Variants in CFTR observed in about 807,000 individuals in gnomAD.
CFTR encodes the protein CF transmembrane conductance regulator.
CFTR carries 181 observed loss-of-function variants against 171.6 expected under a neutral mutation model. The observed-to-expected ratio is 1.05, with a 90% confidence interval of 0.93 to 1.19. The LOEUF (loss-of-function observed/expected upper bound fraction) is 1.19, where lower values mean the gene tolerates loss of function less well. Among genes scored for constraint, CFTR ranks in the 50% most tolerant of loss-of-function variants. CFTR has a pLI of 0.00. For synonymous variants in CFTR, 583 were observed against 608.0 expected, an observed-to-expected ratio of 0.96 and a Z score of 0.60; for missense variants, 1,968 against 1,734.7, an observed-to-expected ratio of 1.13 and a Z score of -2.39.
At chr7:117,488,580 G>A (rs1798109318) in intron 1 of CFTR, among the ~76,000 whole-genome samples, 3 of 151,766 alleles carry the variant, frequency 2.0e-5, no homozygotes. Flanking sequence ...TATCTATCTT[G>A]TGTCTTGCAT....
At chr7:117,646,060 T>A (rs971142228) in intron 23 of CFTR, among the ~76,000 whole-genome samples, 11 of 152,176 alleles carry the variant, frequency 7.2e-5, no homozygotes, top group African/African-American at 2.7e-4. Context: ...GTTCCATCAG[T>A]ATCTGGATTT....
intron 3 of CFTR, among the ~76,000 whole-genome samples, chr7:117,515,643 T>C (rs1798585435): frequency 6.6e-6 from 1 of 152,192 alleles, no homozygotes; most frequent in Non-Finnish European, 1.5e-5. Context: ...GGAGTCTTCT[T>C]TGATTCCATA....
intron 11 of CFTR, among the ~76,000 whole-genome samples, chr7:117,568,251 T>A (rs1476318508): frequency 6.6e-6 from 1 of 152,136 alleles, no homozygotes; most frequent in African/African-American, 2.4e-5. Flanking sequence ...TATGCTCCAG[T>A]AAGAAGACTG....
chr7:117,665,988 A>G (rs951606987), intron 26 of CFTR, among the ~76,000 whole-genome samples: 7 of 152,142 alleles, frequency 4.6e-5, no homozygotes, highest in Admixed American at 2.6e-4. Context: ...CAAAGTTGAG[A>G]GGCACATTTC....
At chr7:117,556,512 C>CTTTTTTTTTTTTTTTTTTTTTTTTTTT (rs55700428) in intron 10 of CFTR, among the ~76,000 whole-genome samples, 2 of 45,904 alleles carry the variant, frequency 4.4e-5, no homozygotes, top group African/African-American at 9.8e-5. Flanking sequence ...TGTTTCATTT[C>CTTTTTTTTTTTTTTTTTTTTTTTTTTT]TTTTTTTTTT....
intron 1 of CFTR, among the ~76,000 whole-genome samples, chr7:117,495,587 G>GTTAAGTTCCTTGCT (rs1449408275): frequency 2.6e-5 from 4 of 152,168 alleles, no homozygotes; most frequent in Non-Finnish European, 5.9e-5. Context: ...TGTCCCAGAA[G>GTTAAGTTCCTTGCT]TTAAGTTCCT....
intron 18 of CFTR, among the ~76,000 whole-genome samples, chr7:117,609,567 G>T (rs956566335): frequency 1.3e-5 from 2 of 151,976 alleles, no homozygotes; most frequent in African/African-American, 4.8e-5. Context: ...TAGAAATATA[G>T]AAATTTATTA....
intron 22 of CFTR, among the ~76,000 whole-genome samples, chr7:117,635,578 T>A (rs1449625240): frequency 1.3e-5 from 2 of 152,112 alleles, no homozygotes; most frequent in African/African-American, 2.4e-5. Context: ...GCATTTTATA[T>A]GTTTCCATTT....
intron 1 of CFTR, among the ~76,000 whole-genome samples, chr7:117,499,516 G>A (rs565259233): frequency 5.5e-5 from 8 of 144,554 alleles, no homozygotes; most frequent in African/African-American, 1.6e-4. Flanking sequence ...ATCTCTTATA[G>A]TTAAGTGAAC....
intron 26 of CFTR, among the ~76,000 whole-genome samples, chr7:117,666,071 T>A (rs2116224258): frequency 6.6e-6 from 1 of 152,266 alleles, no homozygotes; most frequent in East Asian, 1.9e-4. Context: ...AAAAAAACTG[T>A]CACATGGCCA....
chr7:117,663,566 C>T (rs764869201), intron 24 of CFTR, among the ~76,000 whole-genome samples: 2 of 150,862 alleles, frequency 1.3e-5, no homozygotes, highest in Non-Finnish European at 2.9e-5. Context: ...TATTCTACCC[C>T]AATATCAAAG....
At chr7:117,640,554 T>C (rs572380651) in intron 22 of CFTR, among the ~76,000 whole-genome samples, 1 of 152,270 alleles carries the variant, frequency 6.6e-6, no homozygotes, top group South Asian at 2.1e-4. Context: ...ATTCTTGATA[T>C]GACCTTATAG....
At chr7:117,491,884 G>A (rs1011227806) in intron 1 of CFTR, among the ~76,000 whole-genome samples, 2 of 152,038 alleles carry the variant, frequency 1.3e-5, no homozygotes, top group South Asian at 2.1e-4. Context: ...AGCAGAATGC[G>A]ATATGGAAGT....
chr7:117,539,073 G>A (rs1183327441), intron 7 of CFTR, among the ~76,000 whole-genome samples: 1 of 152,092 alleles, frequency 6.6e-6, no homozygotes, highest in African/African-American at 2.4e-5. Context: ...CACAGCTGTT[G>A]CCCCCTTTCA....
Position 117,535,419 on chromosome 7 carries a change from C to T in CFTR, c.743+8C>T. 3 of 1,613,580 alleles carry T rather than the reference C, an allele frequency of 1.9e-6. No homozygotes were observed. The highest frequency in any genetic ancestry group is 2.5e-6 in the Non-Finnish European group (3 of 1,179,718). On this transcript the variant is annotated splice_region_variant and intron_variant, in intron 6 of 26. Coordinates refer to ENST00000003084, the MANE Select transcript of CFTR (RefSeq NM_000492.4). ...AATGATGATGAAGTACAGGTAGCAA[C>T]CTATTTTCATAACTTGAAAGTTTTA...
Position 117,614,707 on chromosome 7 carries a change from T to A in CFTR, c.3462T>A (p.Asp1154Glu), listed in dbSNP as rs1418778993. The change falls in exon 21 of 27, where the codon GAT becomes GAA. Residue 1154 changes from aspartate (D) to glutamate (E), a missense_variant. Transcript: ENST00000003084. ...CTGTAAACTCCAGCATAGATGTGGATAGCTTGGTAAGTCTTATCATCTTTT... is the reference window on the plus strand; with the variant it reads ...CTGTAAACTCCAGCATAGATGTGGAAAGCTTGGTAAGTCTTATCATCTTTT... Reference protein sequence around the residue: ...QWAVNSSIDVDSLMRSVSRVF... With the variant: ...QWAVNSSIDVESLMRSVSRVF... 3.7e-6 allele frequency: 6 copies of A among 1,607,292 alleles called. No homozygotes were observed. Among genetic ancestry groups the A allele is most frequent in the Non-Finnish European group, 4.3e-6 (5 of 1,174,280 alleles).
intron 22 of CFTR, among the ~76,000 whole-genome samples, chr7:117,629,676 G>A (rs1792708429): frequency 6.6e-6 from 1 of 152,126 alleles, no homozygotes; most frequent in South Asian, 2.1e-4. Flanking sequence ...TTTTGCTTTG[G>A]TGAACATGGG....
intron 4 of CFTR, among the ~76,000 whole-genome samples, chr7:117,533,498 C>T (rs1195359462): frequency 1.3e-5 from 2 of 152,012 alleles, no homozygotes. Context: ...TTAATAATCC[C>T]TGAGGCATCA....
chr7:117,519,532 G>GT (rs748371989), intron 3 of CFTR, among the ~76,000 whole-genome samples: 10 of 151,630 alleles, frequency 6.6e-5, no homozygotes, highest in Non-Finnish European at 1.0e-4. Context: ...ATTTATTATT[G>GT]TAAGTTGTAT....
Sources: gnomAD v4.1 joint callset for allele counts (sites outside exome capture counted in the v4.1 genomes callset) on GRCh38, gnomAD v4.1.1 for gene constraint, MANE v1.5 for transcripts, NCBI Gene and HGNC (gene_info 2026-07-23, HGNC 2026-07-21) for gene names.